The following ASIC2 variants were observed in gnomAD, a reference collection of about 807,000 sequenced individuals.
ASIC2 encodes the protein acid sensing ion channel subunit 2.
Under a neutral mutation model 57.3 loss-of-function variants are expected in ASIC2, and 25 were observed. The ratio of observed to expected loss-of-function variants is 0.44; its 90% CI spans 0.32 to 0.61. ASIC2 has a LOEUF of 0.61. Ranked by LOEUF, ASIC2 falls within the 20% of genes least tolerant of loss-of-function variation. The pLI, the probability that ASIC2 is intolerant of heterozygous loss-of-function variation, is 0.06. For missense variants in ASIC2, 641 were observed against 738.1 expected (o/e 0.87, Z 1.52); for synonymous variants, 319 against 307.5 (o/e 1.04, Z -0.39).
At chr17:33,908,345 C>G (rs1915393585) in intron 1 of ASIC2, among the ~76,000 whole-genome samples, 1 of 152,146 alleles carries the variant, frequency 6.6e-6, no homozygotes, top group South Asian at 2.1e-4. Flanking sequence ...CAATATTGAG[C>G]CAGGGGTCAA....
At chr17:33,640,773 C>A (rs1295748514) in intron 1 of ASIC2, among the ~76,000 whole-genome samples, 1 of 152,144 alleles carries the variant, frequency 6.6e-6, no homozygotes, top group Non-Finnish European at 1.5e-5. Context: ...TTAGTTATCT[C>A]TAGAGTCCCT....
intron 1 of ASIC2, among the ~76,000 whole-genome samples, chr17:34,050,414 T>C (rs1257041865): frequency 6.6e-6 from 1 of 152,114 alleles, no homozygotes; most frequent in Non-Finnish European, 1.5e-5. Flanking sequence ...GGAGGGGATG[T>C]GAAGGCTGGC....
intron 1 of ASIC2, among the ~76,000 whole-genome samples, chr17:33,256,805 C>T (rs1393749844): frequency 6.6e-6 from 1 of 152,166 alleles, no homozygotes; most frequent in African/African-American, 2.4e-5. Flanking sequence ...GCACTCCAGC[C>T]TGGGCAACAG....
chr17:33,188,507 G>C (rs1306830229), intron 1 of ASIC2, among the ~76,000 whole-genome samples: 1 of 151,996 alleles, frequency 6.6e-6, no homozygotes, highest in African/African-American at 2.4e-5. Flanking sequence ...TCACATCAAA[G>C]CATATCAAAA....
chr17:33,210,053 A>G (rs1170685049), intron 1 of ASIC2, among the ~76,000 whole-genome samples: 1 of 152,180 alleles, frequency 6.6e-6, no homozygotes, highest in African/African-American at 2.4e-5. Context: ...TAAGCAGCAA[A>G]TGCCCCCACC....
chr17:33,443,507 G>A (rs1419643620), intron 1 of ASIC2, among the ~76,000 whole-genome samples: 3 of 138,524 alleles, frequency 2.2e-5, no homozygotes, highest in Admixed American at 7.8e-5. Context: ...TCCGCCTCCC[G>A]GGTTAACGCC....
intron 1 of ASIC2, among the ~76,000 whole-genome samples, chr17:33,321,751 A>G (rs1906880243): frequency 6.6e-6 from 1 of 152,220 alleles, no homozygotes; most frequent in South Asian, 2.1e-4. Flanking sequence ...ACATGGATCA[A>G]AGATACATAC....
chr17:33,934,227 T>C (rs1194788011), intron 1 of ASIC2, among the ~76,000 whole-genome samples: 1 of 152,204 alleles, frequency 6.6e-6, no homozygotes, highest in East Asian at 1.9e-4. Flanking sequence ...GTATTATGGC[T>C]TAGCAATTCG....
intron 1 of ASIC2, among the ~76,000 whole-genome samples, chr17:33,629,013 G>A (rs1262924769): frequency 1.3e-5 from 2 of 152,144 alleles, no homozygotes; most frequent in African/African-American, 4.8e-5. Flanking sequence ...CTCAGCTTTG[G>A]GTGAGGGCTG....
intron 1 of ASIC2, among the ~76,000 whole-genome samples, chr17:33,410,759 G>A (rs1319752097): frequency 6.6e-6 from 1 of 152,196 alleles, no homozygotes. Flanking sequence ...CTGTTGTACT[G>A]TATCATCTTT....
chr17:33,767,397 T>C (rs558276165), intron 1 of ASIC2, among the ~76,000 whole-genome samples: 1 of 152,360 alleles, frequency 6.6e-6, no homozygotes, highest in Admixed American at 6.5e-5. Flanking sequence ...AGATTTCATA[T>C]AAATGTGTTT....
At chr17:33,242,596 A>C (rs1908546507) in intron 1 of ASIC2, among the ~76,000 whole-genome samples, 1 of 151,904 alleles carries the variant, frequency 6.6e-6, no homozygotes, top group Non-Finnish European at 1.5e-5. Flanking sequence ...ACATCCTAGC[A>C]CTCCTCGCTG....
intron 1 of ASIC2, among the ~76,000 whole-genome samples, chr17:33,422,624 A>C (rs767238503): frequency 6.6e-6 from 1 of 152,086 alleles, no homozygotes; most frequent in African/African-American, 2.4e-5. Context: ...TCCCACACAA[A>C]TTCGGCCCTC....
chr17:34,006,776 T>A (rs1244568480), intron 1 of ASIC2: 1 of 152,188 alleles, frequency 6.6e-6, no homozygotes, highest in Non-Finnish European at 1.5e-5. Flanking sequence ...AGGGCAGATT[T>A]ACACTCCTGG....
intron 1 of ASIC2, among the ~76,000 whole-genome samples, chr17:34,122,873 C>T (rs1426585958): frequency 6.6e-6 from 1 of 152,242 alleles, no homozygotes; most frequent in Non-Finnish European, 1.5e-5. Flanking sequence ...AATGGAGTCA[C>T]TAAAGCTGCA....
chr17:33,125,296 A>G (rs1472826952), intron 1 of ASIC2, among the ~76,000 whole-genome samples: 1 of 152,230 alleles, frequency 6.6e-6, no homozygotes, highest in African/African-American at 2.4e-5. Flanking sequence ...AAGAGAGAGC[A>G]TAGGCTTTGG....
chr17:33,155,988 C>T (rs188318130), intron 1 of ASIC2, among the ~76,000 whole-genome samples: 49 of 152,308 alleles, frequency 3.2e-4, no homozygotes, highest in African/African-American at 1.1e-3. Context: ...AATTCTGGCT[C>T]TACCACTTAG....
At chr17:33,464,670 C>CCT (rs757881490) in intron 1 of ASIC2, among the ~76,000 whole-genome samples, 49,625 of 122,222 alleles carry the variant, frequency 0.41, 9,927 homozygotes, top group Non-Finnish European at 0.46. Context: ...TCTCTCTCTC[C>CCT]CTCTCTCTCT....
chr17:33,614,326 C>T (rs549488839), intron 1 of ASIC2, among the ~76,000 whole-genome samples: 1 of 152,314 alleles, frequency 6.6e-6, no homozygotes, highest in South Asian at 2.1e-4. Flanking sequence ...TCAGACTACC[C>T]ATTGGTGTTC....
Sources: allele counts gnomAD v4.1 joint callset (sites outside exome capture counted in the v4.1 genomes callset), GRCh38; gene constraint gnomAD v4.1.1; transcripts MANE v1.5; gene names NCBI Gene and HGNC (gene_info 2026-07-23, HGNC 2026-07-21).